CAPG: variants seen among roughly 807,000 people sequenced by gnomAD.
The protein encoded by CAPG is macrophage-capping protein.
A neutral mutation model predicts 44.6 loss-of-function variants in CAPG; 32 were observed. That is an observed-to-expected ratio of 0.72 (90% CI 0.54 to 0.96). The LOEUF (loss-of-function observed/expected upper bound fraction) is 0.96, where lower values mean the gene tolerates loss of function less well. CAPG is among the 50% of genes least tolerant of loss of function. The pLI, the probability that CAPG is intolerant of heterozygous loss-of-function variation, is 0.00. For missense variants in CAPG, 412 were observed against 438.3 expected (o/e 0.94, Z 0.54); for synonymous variants, 175 against 179.6 (o/e 0.97, Z 0.20).
intron 1 of CAPG, among the ~76,000 whole-genome samples, chr2:85,407,975 C>T (rs1687242417): frequency 6.6e-6 from 1 of 152,108 alleles, no homozygotes; most frequent in Admixed American, 6.5e-5. Context: ...TTTCCCCTAT[C>T]CCAGCCCTCT....
chr2:85,398,612 C>T, intron 7 of CAPG, 78 bp downstream of exon 7: 2 of 1,223,098 alleles, frequency 1.6e-6, no homozygotes, highest in East Asian at 2.5e-5. Context: ...TCCCCTCCAC[C>T]CTGCTTGCAT....
chr2:85,418,657 C>T (rs1224356671), upstream of CAPG: 3 of 149,802 alleles, frequency 2.0e-5, no homozygotes, highest in Admixed American at 2.0e-4. Context: ...CACACGCGCG[C>T]GCGCGCGCCT....
chr2:85,407,848 G>A (rs1275668952), intron 1 of CAPG, among the ~76,000 whole-genome samples: 1 of 152,082 alleles, frequency 6.6e-6, no homozygotes, highest in East Asian at 1.9e-4. Context: ...AGCTCCAGAT[G>A]ACTCTAATGC....
chr2:85,399,015 G>A (rs1686746181), intron 6 of CAPG, 121 bp downstream of exon 6: 1 of 1,155,752 alleles, frequency 8.7e-7, no homozygotes, highest in Non-Finnish European at 1.3e-6. Context: ...ACAGCCCTAG[G>A]CAGTACACCA....
At chr2:85,416,658 G>A (rs1050976960) in intron 1 of CAPG, among the ~76,000 whole-genome samples, 10 of 152,058 alleles carry the variant, frequency 6.6e-5, no homozygotes, top group East Asian at 3.9e-4. Flanking sequence ...GACTACAGGC[G>A]CACGCCACTA....
At chr2:85,394,462 C>T (rs1198990990), downstream of CAPG, among the ~76,000 whole-genome samples, 2 of 152,258 alleles carry the variant, frequency 1.3e-5, no homozygotes, top group South Asian at 2.1e-4. Context: ...AGAAATACTG[C>T]CTTAAATGGA....
intron 1 of CAPG, 108 bp from the exon 2 acceptor site, chr2:85,402,266 C>A: frequency 3.8e-6 from 3 of 793,556 alleles, no homozygotes; most frequent in South Asian, 3.1e-5. Flanking sequence ...TATTCATCAA[C>A]TACTCCACCT....
intron 6 of CAPG, 125 bp from the exon 7 acceptor site, chr2:85,398,907 G>T: frequency 1.2e-6 from 1 of 819,428 alleles, no homozygotes; most frequent in Non-Finnish European, 1.9e-6. Flanking sequence ...CCCAGCAGAG[G>T]TGAGGTGAGT....
In CAPG at chr2:85,401,974, G is replaced by A. The variant is rs775549799; in HGVS notation, c.24-17C>T. Reference sequence around the variant, plus strand: ...GGAGAGCCACTGCGAGAAGAGAGAGGGTTGACAGCAGCCTGGACCCACTTG... The same window carrying A: ...GGAGAGCCACTGCGAGAAGAGAGAGAGTTGACAGCAGCCTGGACCCACTTG... On this transcript the variant is annotated splice_polypyrimidine_tract_variant and intron_variant, in intron 2 of 9. Transcript: ENST00000263867. The A allele has an allele frequency of 4.3e-6, 7 of 1,613,912 alleles. No individual in the cohort carries two copies. The African/African-American group carries it at 9.3e-5, about 22-fold the overall frequency.
intron 1 of CAPG, among the ~76,000 whole-genome samples, chr2:85,417,246 T>A (rs1553428476): frequency 1.3e-5 from 2 of 152,226 alleles, no homozygotes; most frequent in East Asian, 3.9e-4. Context: ...TTTTCTCATT[T>A]AATCCTTGCA....
rs1313658616 is a variant in CAPG, at chr2:85,401,345, C to A, written c.352-16G>T. The A allele has an allele frequency of 6.2e-7, 1 of 1,611,966 alleles. No homozygotes were observed. Among genetic ancestry groups the A allele is most frequent in the East Asian group, 2.2e-5 (1 of 44,860 alleles). Reference sequence around the variant, plus strand: ...CACCACCTTCCTGCAGCCCAGACGGCCCATCTGAGTGGACTGACAGGAGAC... The same window carrying A: ...CACCACCTTCCTGCAGCCCAGACGGACCATCTGAGTGGACTGACAGGAGAC... On this transcript the variant is annotated splice_polypyrimidine_tract_variant and intron_variant, in intron 4 of 9. Transcript: ENST00000263867.
chr2:85,406,854 G>A (rs1457970179), intron 1 of CAPG, among the ~76,000 whole-genome samples: 4 of 148,446 alleles, frequency 2.7e-5, no homozygotes, highest in African/African-American at 4.9e-5. Flanking sequence ...GCGAAACTCC[G>A]TCTCAAAAAA....
rs768315629 is a variant in CAPG at position 85,394,972 on chromosome 2, G to C, written c.982-14C>G. ...CAGAATCTCCACCTGCAGGGACAGC[G>C]GGGGAGAAGTCTGGTTCACAAAGTT... is the stretch of plus-strand genomic sequence containing the variant. On this transcript the variant is annotated splice_polypyrimidine_tract_variant and intron_variant, in intron 9 of 9. Coordinates refer to ENST00000263867, the MANE Select transcript of CAPG (RefSeq NM_001747.4). 6.3e-7 allele frequency: 1 copy of C among 1,596,528 alleles called. No individual in the cohort carries two copies. The highest frequency in any genetic ancestry group is 8.6e-7 in the Non-Finnish European group (1 of 1,164,200).
chr2:85,400,527 C>T (rs909893431), intron 5 of CAPG, among the ~76,000 whole-genome samples: 6 of 152,204 alleles, frequency 3.9e-5, no homozygotes, highest in Non-Finnish European at 7.3e-5. Flanking sequence ...CCTCCCCCTG[C>T]TCCTGTCCCC....
At chr2:85,416,187 G>A (rs1687547400) in intron 1 of CAPG, among the ~76,000 whole-genome samples, 1 of 152,250 alleles carries the variant, frequency 6.6e-6, no homozygotes, top group African/African-American at 2.4e-5. Context: ...GTCTGGGGAT[G>A]TCCAGGACAA....
In CAPG at chr2:85,398,446, G is replaced by A. The variant is rs113931706; in HGVS notation, c.759+244C>T. 10 of 589,374 alleles carry A rather than the reference G, an allele frequency of 1.7e-5. 1 individual carries two copies. The highest frequency in any genetic ancestry group is 1.7e-4 in the African/African-American group (9 of 53,608). 36.5% of individuals were successfully genotyped at this position (589,374 alleles called of 1,614,324 possible). On this transcript the variant is annotated intron_variant, in intron 7 of 9. Coordinates refer to ENST00000263867, the MANE Select transcript of CAPG (RefSeq NM_001747.4). Reference sequence around the variant, plus strand: ...TTCAAGAAAGAAAAGCTCAGCATTGGCTTCAAGCCTTCACCAAGCATAGGC... The same window carrying A: ...TTCAAGAAAGAAAAGCTCAGCATTGACTTCAAGCCTTCACCAAGCATAGGC...
chr2:85,401,323 C>T lies in CAPG; in HGVS notation c.358G>A (p.Gly120Ser). The T allele has an allele frequency of 1.2e-6, 2 of 1,613,824 alleles. No individual in the cohort carries two copies. The highest frequency in any genetic ancestry group is 1.7e-6 in the Non-Finnish European group (2 of 1,179,796). ...FPRGLKYQEG[G>S]VESAFHKTST... ...GTCTTGTGAAATGCTGACTCCACACCACCTTCCTGCAGCCCAGACGGCCCA... is the reference window on the plus strand; with the variant it reads ...GTCTTGTGAAATGCTGACTCCACACTACCTTCCTGCAGCCCAGACGGCCCA... The change falls in exon 5 of 10, where the codon GGT (glycine) becomes AGT (serine). Residue 120 changes from glycine to serine, a missense_variant. Transcript: ENST00000263867.
intron 1 of CAPG, among the ~76,000 whole-genome samples, chr2:85,406,364 C>T (rs1424363139): frequency 1.3e-5 from 2 of 152,150 alleles, no homozygotes; most frequent in African/African-American, 4.8e-5. Context: ...TTTAACTAGG[C>T]TTCTGAACCA....
chr2:85,405,366 C>T (rs564764913), intron 1 of CAPG, among the ~76,000 whole-genome samples: 4 of 152,148 alleles, frequency 2.6e-5, no homozygotes, highest in African/African-American at 7.2e-5. Flanking sequence ...GCATGCACTT[C>T]GTACATAATA....
Sources: gnomAD v4.1 joint callset for allele counts (sites outside exome capture counted in the v4.1 genomes callset) on GRCh38, gnomAD v4.1.1 for gene constraint, MANE v1.5 for transcripts, NCBI Gene and HGNC (gene_info 2026-07-23, HGNC 2026-07-21) for gene names.